PTGR1: variants seen among roughly 807,000 people sequenced by gnomAD.
PTGR1 encodes the protein 15-oxoprostaglandin 13-reductase.
PTGR1 carries 23 observed loss-of-function variants against 37.7 expected under a neutral mutation model. The ratio of observed to expected loss-of-function variants is 0.61; its 90% CI spans 0.44 to 0.86. PTGR1 has a LOEUF of 0.86. Ranked by LOEUF, PTGR1 falls within the 40% of genes least tolerant of loss-of-function variation. The probability of loss-of-function intolerance (pLI) is 0.00; values close to 1 mark genes in which losing one functional copy is unlikely to be tolerated. For synonymous variants in PTGR1, 134 were observed against 140.0 expected (o/e 0.96, Z 0.30); for missense variants, 351 against 394.3 (o/e 0.89, Z 0.93).
At chr9:111,553,160 A>G (rs1412912036) in intron 9 of PTGR1, among the ~76,000 whole-genome samples, 1 of 152,200 alleles carries the variant, frequency 6.6e-6, no homozygotes, top group Non-Finnish European at 1.5e-5. Context: ...TATTGTCTTA[A>G]GTATTATCTA....
At chr9:111,555,998 C>A (rs10817186) in intron 9 of PTGR1, among the ~76,000 whole-genome samples, 51,278 of 152,150 alleles carry the variant, frequency 0.34, 9,435 homozygotes, top group Non-Finnish European at 0.42. Context: ...CAAGGCAAGT[C>A]CCTTCCACCT....
At position 111,578,854 on chromosome 9, in the gene PTGR1, G is replaced by A. The variant is rs755546941; in HGVS notation, c.593C>T (p.Ser198Phe). The change falls in exon 7 of 10, where the codon TCT becomes TTT. Residue 198 changes from serine to phenylalanine, a missense_variant. By Grantham distance (155) the Ser-to-Phe change is radical (BLOSUM62 -2). Transcript: ENST00000407693. ...CGCTTTCTTCAAGGTTTCTTCCAAAGACTCTACCGTCTTGTAGTTAAAGAC... is the reference window on the plus strand; with the variant it reads ...CGCTTTCTTCAAGGTTTCTTCCAAAAACTCTACCGTCTTGTAGTTAAAGAC... ...DVVFNYKTVE[S>F]LEETLKKASP... The A allele has an allele frequency of 2.5e-6, 4 of 1,611,638 alleles. No homozygotes were observed. Among genetic ancestry groups the A allele is most frequent in the African/African-American group, 2.7e-5 (2 of 74,400 alleles).
Position 111,562,989 on chromosome 9 carries a change from T to G in PTGR1, c.*132A>C. The G allele has an allele frequency of 7.0e-7, 1 of 1,428,032 alleles. No homozygotes were observed. Among genetic ancestry groups the G allele is most frequent in the Non-Finnish European group, 9.1e-7 (1 of 1,093,444 alleles). The allele number at this position is 1,428,032 out of a possible 1,614,324, so 88.5% of individuals were successfully genotyped here. On this transcript the variant is annotated 3_prime_UTR_variant, in exon 10 of 10. Coordinates refer to ENST00000407693, the MANE Select transcript of PTGR1 (RefSeq NM_001146108.2). Reference sequence around the variant, plus strand: ...TAATTACATACCACTTAAATGTATTTTATTAAGTAGCTCAAACTCATTATG... The same window carrying G: ...TAATTACATACCACTTAAATGTATTGTATTAAGTAGCTCAAACTCATTATG...
intron 9 of PTGR1, among the ~76,000 whole-genome samples, chr9:111,556,630 A>G (rs896867894): frequency 3.3e-5 from 5 of 152,178 alleles, no homozygotes; most frequent in Admixed American, 3.3e-4. Flanking sequence ...GTTTGTATCC[A>G]ATGCTGCGGG....
At chr9:111,567,543 G>A (rs1337171019) in intron 9 of PTGR1, among the ~76,000 whole-genome samples, 3 of 151,568 alleles carry the variant, frequency 2.0e-5, no homozygotes, top group African/African-American at 4.9e-5. Flanking sequence ...AGCAGTTACA[G>A]AGGGGTGGAG....
chr9:111,555,656 T>C (rs1193222185), intron 9 of PTGR1, among the ~76,000 whole-genome samples: 1 of 152,076 alleles, frequency 6.6e-6, no homozygotes, highest in African/African-American at 2.4e-5. Context: ...CATCTTCACA[T>C]GGCAGCAGGG....
At position 111,571,125 on chromosome 9, in the gene PTGR1, T is replaced by C. The variant is rs534318844; in HGVS notation, c.761-916A>G. Among the ~76,000 whole-genome samples the C allele has an allele frequency of 2.7e-4, 41 of 149,924 alleles. 2 individuals carry two copies. Among genetic ancestry groups the C allele is most frequent in the African/African-American group, 7.2e-4 (30 of 41,430 alleles). ...TAACCTCTAGACCTACAAGAATAAG[T>C]GTGTGGGGTCGGGTGCGTGGCTCAT... On this transcript the variant is annotated intron_variant, in intron 8 of 9. Coordinates refer to ENST00000407693, the MANE Select transcript of PTGR1 (RefSeq NM_001146108.2).
At chr9:111,561,100 T>TAGAGAGAGAGAG (rs1589288997), downstream of PTGR1, among the ~76,000 whole-genome samples, 1 of 31,428 alleles carries the variant, frequency 3.2e-5, no homozygotes, top group Non-Finnish European at 5.7e-5. Context: ...TATATATATA[T>TAGAGAGAGAGAG]ATATATATAT....
At chr9:111,588,286 T>C (rs1829503363) in intron 4 of PTGR1, among the ~76,000 whole-genome samples, 1 of 150,080 alleles carries the variant, frequency 6.7e-6, no homozygotes, top group Admixed American at 6.7e-5. Context: ...AAGCTCCGCC[T>C]CCCCGGTTCA....
intron 4 of PTGR1, among the ~76,000 whole-genome samples, chr9:111,591,305 AAAT>A (rs1484340002): frequency 1.5e-4 from 23 of 151,944 alleles, no homozygotes; most frequent in African/African-American, 3.4e-4. Flanking sequence ...CTCAAAAAAA[AAAT>A]AATAATAAAA....
chr9:111,597,206 C>A (rs1829806172), intron 2 of PTGR1, 111 bp downstream of exon 2: 1 of 815,282 alleles, frequency 1.2e-6, no homozygotes. Context: ...GAATTGTGAA[C>A]TAATAAACCG....
At chr9:111,553,584 ACT>A (rs886619631) in intron 9 of PTGR1, among the ~76,000 whole-genome samples, 1 of 152,218 alleles carries the variant, frequency 6.6e-6, no homozygotes, top group Non-Finnish European at 1.5e-5. Flanking sequence ...ATCTGTTGAT[ACT>A]GACTAGATTG....
intron 6 of PTGR1, 37 bp downstream of exon 6, chr9:111,583,435 T>G (rs759731390): frequency 1.1e-5 from 16 of 1,521,784 alleles, no homozygotes; most frequent in Non-Finnish European, 1.2e-5. Flanking sequence ...CCCAATGGGT[T>G]TTGAATAAAG....
chr9:111,554,769 A>G (rs1310632118), intron 9 of PTGR1, among the ~76,000 whole-genome samples: 3 of 152,162 alleles, frequency 2.0e-5, no homozygotes, highest in Non-Finnish European at 4.4e-5. Flanking sequence ...GCCAAGATTG[A>G]GGGTAACTGA....
intron 8 of PTGR1, chr9:111,574,243 CT>C (rs1828957103): frequency 6.6e-6 from 1 of 152,162 alleles, no homozygotes; most frequent in Non-Finnish European, 1.5e-5. Context: ...ATAACTGTTT[CT>C]TTTATATTTG....
chr9:111,571,656 T>TTTTG (rs112914784), intron 8 of PTGR1, among the ~76,000 whole-genome samples: 246 of 151,394 alleles, frequency 1.6e-3, no homozygotes, highest in African/African-American at 5.5e-3. Context: ...TTTTTTTAGT[T>TTTTG]TTTGTTTGTT....
At chr9:111,589,459 G>A (rs1389410018) in intron 4 of PTGR1, 1 of 733,616 alleles carries the variant, frequency 1.4e-6, no homozygotes, top group African/African-American at 1.9e-5. Flanking sequence ...GTTTTGCCAT[G>A]TTTCCCAGGC....
rs186932778 is a variant in PTGR1, at chr9:111,598,387, T to G, written c.-10-955A>C. ...GTGATCTCCCCAGCTCCCCTACCGGTGCCGCGGGAGGGGACACGGTGACCT... is the reference window on the plus strand; with the variant it reads ...GTGATCTCCCCAGCTCCCCTACCGGGGCCGCGGGAGGGGACACGGTGACCT... On this transcript the variant is annotated intron_variant, in intron 1 of 9. Transcript: ENST00000407693. Among the ~76,000 whole-genome samples, 672 of 152,234 alleles carry G rather than the reference T, an allele frequency of 4.4e-3. 5 individuals carry two copies. The highest frequency in any genetic ancestry group is 0.015 in the African/African-American group (620 of 41,552).
chr9:111,592,384 T>C (rs1829647792), intron 4 of PTGR1: 1 of 153,236 alleles, frequency 6.5e-6, no homozygotes, highest in Admixed American at 6.5e-5. Context: ...TACAGATGTA[T>C]GTTAAAGAAT....
Sources: allele counts gnomAD v4.1 joint callset (sites outside exome capture counted in the v4.1 genomes callset), GRCh38; gene constraint gnomAD v4.1.1; transcripts MANE v1.5; gene names NCBI Gene and HGNC (gene_info 2026-07-23, HGNC 2026-07-21).